DOCK7: variants seen among roughly 807,000 people sequenced by gnomAD.
The protein encoded by DOCK7 is dedicator of cytokinesis protein 7.
A neutral mutation model predicts 271.0 loss-of-function variants in DOCK7; 138 were observed. The ratio of observed to expected loss-of-function variants is 0.51; its 90% CI spans 0.44 to 0.59. The LOEUF (loss-of-function observed/expected upper bound fraction) is 0.59, where lower values mean the gene tolerates loss of function less well. DOCK7 is among the 20% of genes least tolerant of loss of function. The probability of loss-of-function intolerance (pLI) is 0.00; values close to 1 mark genes in which losing one functional copy is unlikely to be tolerated. For synonymous variants in DOCK7, 823 were observed against 876.1 expected, an observed-to-expected ratio of 0.94 and a Z score of 1.07; for missense variants, 2,066 against 2,592.4, an observed-to-expected ratio of 0.80 and a Z score of 4.41.
chr1:62,613,022 C>A (rs1435907975), intron 14 of DOCK7, among the ~76,000 whole-genome samples: 1 of 152,186 alleles, frequency 6.6e-6, no homozygotes, highest in African/African-American at 2.4e-5. Context: ...GTACCTTGAT[C>A]TATTACAACT....
chr1:62,587,298 C>CT (rs1420741047), intron 14 of DOCK7, among the ~76,000 whole-genome samples: 19 of 68,422 alleles, frequency 2.8e-4, no homozygotes, highest in Admixed American at 2.1e-3. Flanking sequence ...CACCAAATAG[C>CT]TAAAAAAAAA....
chr1:62,663,881 A>T (rs1265449292), intron 1 of DOCK7, among the ~76,000 whole-genome samples: 1 of 152,186 alleles, frequency 6.6e-6, no homozygotes, highest in Non-Finnish European at 1.5e-5. Flanking sequence ...TACTTTATAT[A>T]TTTGTGTTTT....
At chr1:62,523,302 G>A (rs1432850573) in intron 31 of DOCK7, among the ~76,000 whole-genome samples, 2 of 152,216 alleles carry the variant, frequency 1.3e-5, no homozygotes, top group Admixed American at 6.5e-5. Flanking sequence ...TTTCAGAGAT[G>A]TAGGGAAAAT....
At chr1:62,612,293 A>C (rs1651894198) in intron 14 of DOCK7, among the ~76,000 whole-genome samples, 1 of 152,218 alleles carries the variant, frequency 6.6e-6, no homozygotes, top group African/African-American at 2.4e-5. Flanking sequence ...AGATAACACA[A>C]AAATGACAAT....
intron 15 of DOCK7, chr1:62,584,149 C>T (rs1647239778): frequency 1.0e-6 from 1 of 982,762 alleles, no homozygotes; most frequent in African/African-American, 1.7e-5. Flanking sequence ...GATTAATTGG[C>T]ATCATCCTTA....
intron 8 of DOCK7, chr1:62,635,700 T>C (rs1375802537): frequency 6.6e-6 from 1 of 152,112 alleles, no homozygotes; most frequent in African/African-American, 2.4e-5. Context: ...ATCCATAATA[T>C]GTCTTGTGTT....
At chr1:62,579,652 T>G (rs1647051366) in intron 16 of DOCK7, among the ~76,000 whole-genome samples, 1 of 132,082 alleles carries the variant, frequency 7.6e-6, no homozygotes, top group Non-Finnish European at 1.5e-5. Context: ...CAGTGAGCTA[T>G]GATCCTGCCA....
intron 1 of DOCK7, among the ~76,000 whole-genome samples, chr1:62,674,324 C>A (rs546113586): frequency 6.6e-6 from 1 of 152,160 alleles, no homozygotes; most frequent in African/African-American, 2.4e-5. Flanking sequence ...CCCCACCAAC[C>A]ATTTTCATGG....
At chr1:62,482,404 G>T (rs1646155037) in intron 43 of DOCK7, 1 of 151,704 alleles carries the variant, frequency 6.6e-6, no homozygotes, top group African/African-American at 2.4e-5. Flanking sequence ...GAGTGCAACG[G>T]CGCAATCTTA....
Position 62,688,336 on chromosome 1 carries a change from C to T in DOCK7, c.-72G>A. 9.9e-7 allele frequency: 1 copy of T among 1,012,326 alleles called. No homozygotes were observed. The highest frequency in any genetic ancestry group is 1.2e-6 in the Non-Finnish European group (1 of 804,218). The allele number at this position is 1,012,326 out of a possible 1,614,324, so 62.7% of individuals were successfully genotyped here. On this transcript the variant is annotated 5_prime_UTR_variant, in exon 1 of 50. Coordinates refer to ENST00000635253, the MANE Select transcript of DOCK7 (RefSeq NM_001367561.1). ...GTGCGGACCGGCGGGCGCGTGCCTC[C>T]TCGCTCGTGCTCCCTCCCTCGCGGC...
At chr1:62,665,307 A>G (rs1286213179) in intron 1 of DOCK7, among the ~76,000 whole-genome samples, 1 of 152,096 alleles carries the variant, frequency 6.6e-6, no homozygotes. Flanking sequence ...GATTTTAATG[A>G]AGCCTATATA....
chr1:62,524,135 A>G (rs528827471), intron 31 of DOCK7, among the ~76,000 whole-genome samples: 1 of 152,356 alleles, frequency 6.6e-6, no homozygotes, highest in South Asian at 2.1e-4. Context: ...TGCACACCGC[A>G]CAAGTCTTCG....
chr1:62,480,306 A>C (rs895403212), intron 43 of DOCK7, among the ~76,000 whole-genome samples: 1 of 152,156 alleles, frequency 6.6e-6, no homozygotes, highest in African/African-American at 2.4e-5. Context: ...AAACTAACCT[A>C]CCTCTTTTTA....
chr1:62,540,635 G>A (rs1645498143), intron 25 of DOCK7, among the ~76,000 whole-genome samples: 1 of 152,054 alleles, frequency 6.6e-6, no homozygotes, highest in Admixed American at 6.6e-5. Context: ...TAAATATGAG[G>A]ACTATATTGT....
chr1:62,566,883 A>G (rs1646533386), intron 18 of DOCK7, among the ~76,000 whole-genome samples: 1 of 140,418 alleles, frequency 7.1e-6, no homozygotes, highest in Middle Eastern at 3.6e-3. Flanking sequence ...AAAGTTGGCA[A>G]AGGTTATGAA....
At chr1:62,598,502 T>C (rs146285071) in intron 14 of DOCK7, among the ~76,000 whole-genome samples, 64 of 152,166 alleles carry the variant, frequency 4.2e-4, no homozygotes, top group Admixed American at 1.3e-3. Context: ...ATTTTAGAGA[T>C]AGTACAATTT....
chr1:62,493,611 T>C (rs1646528397), intron 40 of DOCK7, among the ~76,000 whole-genome samples: 1 of 152,214 alleles, frequency 6.6e-6, no homozygotes, highest in South Asian at 2.1e-4. Context: ...TCAACAGCAA[T>C]TGTTTTGGAG....
chr1:62,492,010 A>C (rs778656199), intron 41 of DOCK7, among the ~76,000 whole-genome samples: 2 of 152,094 alleles, frequency 1.3e-5, no homozygotes, highest in Non-Finnish European at 1.5e-5. Flanking sequence ...CAGGAGTTTG[A>C]GACTATCTTG....
intron 11 of DOCK7, among the ~76,000 whole-genome samples, chr1:62,630,247 G>A (rs1654453335): frequency 6.6e-6 from 1 of 152,086 alleles, no homozygotes; most frequent in African/African-American, 2.4e-5. Context: ...GGTTAAATGA[G>A]GGTTTCCAGG....
Sources: allele counts gnomAD v4.1 joint callset (sites outside exome capture counted in the v4.1 genomes callset), GRCh38; gene constraint gnomAD v4.1.1; transcripts MANE v1.5; gene names NCBI Gene and HGNC (gene_info 2026-07-23, HGNC 2026-07-21).